AVPI1: variants seen among roughly 807,000 people sequenced by gnomAD.
AVPI1 encodes arginine vasopressin-induced protein 1.
In AVPI1, 9 loss-of-function variants were observed where a neutral mutation model predicts 11.9. The observed-to-expected ratio is 0.76, with a 90% CI of 0.46 to 1.32. The LOEUF is 1.32. Among genes scored for constraint, AVPI1 ranks in the 40% most tolerant of loss-of-function variants. The pLI is 0.00. For synonymous variants in AVPI1, 68 were observed against 78.1 expected (o/e 0.87, Z 0.68); for missense variants, 207 against 195.8 (o/e 1.06, Z -0.34).
chr10:97,678,946 T>A lies in AVPI1; in HGVS notation c.287+673A>T, dbSNP rs1564779870. Among the ~76,000 whole-genome samples the A allele has an allele frequency of 5.5e-3, 239 of 43,186 alleles. 35 individuals are homozygous for A. The highest frequency in any genetic ancestry group is 0.03 in the Admixed American group (105 of 3,556). 28.3% of individuals were successfully genotyped at this position (43,186 alleles called of 152,430 possible). A position where few individuals can be genotyped will look rare whatever the true frequency, so the allele number is the denominator to read the frequency against. ...GTGTGTGTGTGTGTGTGTGTGTGTG[T>A]GTGTGTGTGTGTGTGTGTGTGTGTG... is the stretch of plus-strand genomic sequence containing the variant. On this transcript the variant is annotated intron_variant, in intron 2 of 2. Coordinates refer to ENST00000370626, the MANE Select transcript of AVPI1 (RefSeq NM_021732.3).
At chr10:97,679,069 G>C (rs1310326610) in intron 2 of AVPI1, among the ~76,000 whole-genome samples, 1 of 146,322 alleles carries the variant, frequency 6.8e-6, no homozygotes, top group African/African-American at 2.5e-5. Flanking sequence ...ATGAGGTGAT[G>C]CTACTAGGAC....
Position 97,686,899 on chromosome 10 carries a change from G to C in AVPI1, c.-144C>G, listed in dbSNP as rs1004409242. ...AAGGTGCTTACAAGGGCCAGTCGGT[G>C]ATCACGGGCAGCACAAGAGCATGGC... is the stretch of plus-strand genomic sequence containing the variant. On this transcript the variant is annotated 5_prime_UTR_variant, in exon 1 of 3. In the 5' UTR this introduces an upstream ATG that the reference lacks. Transcript: ENST00000370626. The C allele has an allele frequency of 6.6e-6, 1 of 152,398 alleles. No homozygotes were observed. The highest frequency in any genetic ancestry group is 2.1e-4 in the South Asian group (1 of 4,834). The allele number at this position is 152,398 out of a possible 1,614,324, so 9.4% of individuals were successfully genotyped here. A position where few individuals can be genotyped will look rare whatever the true frequency, so the allele number is the denominator to read the frequency against.
chr10:97,685,305 C>A (rs2041723319), intron 1 of AVPI1, among the ~76,000 whole-genome samples: 1 of 152,124 alleles, frequency 6.6e-6, no homozygotes. Flanking sequence ...GGAACCCTAA[C>A]AAAGAAATAT....
chr10:97,684,457 C>A (rs564014391), intron 1 of AVPI1, among the ~76,000 whole-genome samples: 30 of 151,054 alleles, frequency 2.0e-4, no homozygotes, highest in African/African-American at 6.6e-4. Flanking sequence ...TAGGGAGGGC[C>A]TAGCACCTCC....
intron 2 of AVPI1, among the ~76,000 whole-genome samples, chr10:97,678,884 TG>T (rs2041682100): frequency 3.1e-4 from 1 of 3,190 alleles, no homozygotes; most frequent in Admixed American, 3.8e-3. Context: ...GGGGAGGGTG[TG>T]TGTGTGTGTG....
chr10:97,686,441 C>T (rs1327151824), intron 1 of AVPI1, among the ~76,000 whole-genome samples: 1 of 151,546 alleles, frequency 6.6e-6, no homozygotes, highest in East Asian at 1.9e-4. Context: ...CTTTCCTCCT[C>T]ACTTAAGGTG....
rs745940011 is a variant in AVPI1, at chr10:97,679,626, G to A, written c.280C>T (p.Arg94Cys). ...PLGHSLHHCS[R>C]LRILEPHSAL... ...CCGGTTCTAGGAACCTACCTGAGGC[G>A]GCTGCAGTGGTGTAGCGAGTGGCCC... Residue 94 changes from arginine (R) to cysteine (C), a missense_variant, in exon 2 of 3, where the codon CGC (arginine) becomes TGC (cysteine). Transcript: ENST00000370626. The A allele has an allele frequency of 1.6e-5, 25 of 1,609,746 alleles. No homozygotes were observed. Among genetic ancestry groups the A allele is most frequent in the East Asian group, 1.3e-4 (6 of 44,764 alleles).
At chr10:97,685,594 G>A (rs1192654040) in intron 1 of AVPI1, among the ~76,000 whole-genome samples, 1 of 152,126 alleles carries the variant, frequency 6.6e-6, no homozygotes, top group Non-Finnish European at 1.5e-5. Flanking sequence ...AAAAATTACT[G>A]GAGGCTCTGG....
Position 97,677,908 on chromosome 10 carries a change from C to T in AVPI1, c.405G>A (p.Lys135=). ...GGTGGAGGTAGCTTGTGGGGCCTGA[C>T]TTCCTCCAGTTCCGGCGGATCCTGG... ...KSARIRRNWR[K]SGPTSYLHQI... Residue 135 remains lysine, a synonymous_variant, in exon 3 of 3, where the codon AAG becomes AAA. Transcript: ENST00000370626. 1.9e-6 allele frequency: 3 copies of T among 1,614,198 alleles called. No homozygotes were observed. Among genetic ancestry groups the T allele is most frequent in the Non-Finnish European group, 2.5e-6 (3 of 1,180,036 alleles).
At chr10:97,681,952 T>TA (rs1056148035) in intron 1 of AVPI1, among the ~76,000 whole-genome samples, 5 of 124,834 alleles carry the variant, frequency 4.0e-5, no homozygotes, top group African/African-American at 5.9e-5. Flanking sequence ...AAAATACAAA[T>TA]AAAAAATAGA....
rs1564779837 is a variant in AVPI1 at position 97,678,922 on chromosome 10, TGTGTGTGTGTGTGTGTGTGTG to T, written c.287+676_287+696del. 2.5e-3 allele frequency among the ~76,000 whole-genome samples: 44 copies of T among 17,272 alleles called. 5 individuals carry two copies. The highest frequency in any genetic ancestry group is 0.019 in the East Asian group (19 of 976). The allele number at this position is 17,272 out of a possible 152,430, so 11.3% of individuals were successfully genotyped here. A position where few individuals can be genotyped will look rare whatever the true frequency, so the allele number is the denominator to read the frequency against. ...GTGTGTGTGTGTGTGTGTGTGTGTG[TGTGTGTGTGTGTGTGTGTGTG>T]TGTGTGTGTGTGTGTGTGTGTGTGT... On this transcript the variant is annotated intron_variant, in intron 2 of 2. Coordinates refer to ENST00000370626, the MANE Select transcript of AVPI1 (RefSeq NM_021732.3).
rs1564779964 is a variant in AVPI1, at chr10:97,678,961, G to GACAGGA, written c.287+657_287+658insTCCTGT. Among the ~76,000 whole-genome samples, 51 of 67,690 alleles carry GACAGGA rather than the reference G, an allele frequency of 7.5e-4. 4 individuals are homozygous for GACAGGA. Among genetic ancestry groups the GACAGGA allele is most frequent in the Middle Eastern group, 8.5e-3 (1 of 118 alleles). The allele number at this position is 67,690 out of a possible 152,430, so 44.4% of individuals were successfully genotyped here. On this transcript the variant is annotated intron_variant, in intron 2 of 2. Coordinates refer to ENST00000370626, the MANE Select transcript of AVPI1 (RefSeq NM_021732.3). ...TGTGTGTGTGTGTGTGTGTGTGTGT[G>GACAGGA]TGTGTGTGTGTGTGTGTGTGTGTGT...
chr10:97,677,600 A>C lies in AVPI1; in HGVS notation c.*269T>G, dbSNP rs896982412. The C allele has an allele frequency of 1.0e-5, 4 of 396,380 alleles. No individual in the cohort carries two copies. Among genetic ancestry groups the C allele is most frequent in the Non-Finnish European group, 9.2e-6 (2 of 217,294 alleles). The allele number at this position is 396,380 out of a possible 1,614,324, so 24.6% of individuals were successfully genotyped here. On this transcript the variant is annotated 3_prime_UTR_variant, in exon 3 of 3. Coordinates refer to ENST00000370626, the MANE Select transcript of AVPI1 (RefSeq NM_021732.3). ...TGCCTGTCACTTTGCTCCCAGGGGAATATCATGCAGCCCAGGAATAGTGTT... is the reference window on the plus strand; with the variant it reads ...TGCCTGTCACTTTGCTCCCAGGGGACTATCATGCAGCCCAGGAATAGTGTT...
At position 97,681,337 on chromosome 10, in the gene AVPI1, A is replaced by ACTTTGGGAG. The variant is rs2135771304; in HGVS notation, c.-10-1431_-10-1423dup. Among the ~76,000 whole-genome samples the ACTTTGGGAG allele has an allele frequency of 1.3e-5, 2 of 152,172 alleles. 1 individual carries two copies. Among genetic ancestry groups the ACTTTGGGAG allele is most frequent in the African/African-American group, 4.8e-5 (2 of 41,524 alleles). The stretch of plus-strand genomic sequence containing the variant: ...GGTGGCTCACACCTGTAATCCCAGC[A>ACTTTGGGAG]CTTTGGGAGGTGAGGCGGGCGGATC... On this transcript the variant is annotated intron_variant, in intron 1 of 2. Coordinates refer to ENST00000370626, the MANE Select transcript of AVPI1 (RefSeq NM_021732.3).
intron 1 of AVPI1, among the ~76,000 whole-genome samples, chr10:97,685,717 T>C (rs1432485847): frequency 5.9e-5 from 9 of 152,132 alleles, no homozygotes; most frequent in African/African-American, 1.2e-4. Context: ...TTCAAATCGC[T>C]GTGTGGGCTT....
At position 97,677,611 on chromosome 10, in the gene AVPI1, C is replaced by T. The variant is rs2041672083; in HGVS notation, c.*258G>A. 2.3e-6 allele frequency: 1 copy of T among 437,190 alleles called. No homozygotes were observed. Among genetic ancestry groups the T allele is most frequent in the East Asian group, 4.1e-5 (1 of 24,554 alleles). The allele number at this position is 437,190 out of a possible 1,614,324, so 27.1% of individuals were successfully genotyped here. On this transcript the variant is annotated 3_prime_UTR_variant, in exon 3 of 3. Coordinates refer to ENST00000370626, the MANE Select transcript of AVPI1 (RefSeq NM_021732.3). ...TTGCTCCCAGGGGAATATCATGCAG[C>T]CCAGGAATAGTGTTAGACTGGGAAG...
rs2041735419 is a variant in AVPI1 at position 97,687,157 on chromosome 10, CG to C, written c.-403del. The stretch of plus-strand genomic sequence containing the variant: ...GGCCGCACGCAGCCCCAAACTGGTC[CG>C]GGCCACTTGGGTCACAGCCGCGGTT... On this transcript the variant is annotated 5_prime_UTR_variant, in exon 1 of 3. Coordinates refer to ENST00000370626, the MANE Select transcript of AVPI1 (RefSeq NM_021732.3). The C allele has an allele frequency of 6.6e-6, 1 of 152,358 alleles. No individual in the cohort carries two copies. The highest frequency in any genetic ancestry group is 2.4e-5 in the African/African-American group (1 of 41,464). 9.4% of individuals were successfully genotyped at this position (152,358 alleles called of 1,614,324 possible).
At chr10:97,683,061 T>C (rs1782434790) in intron 1 of AVPI1, among the ~76,000 whole-genome samples, 1 of 152,230 alleles carries the variant, frequency 6.6e-6, no homozygotes, top group South Asian at 2.1e-4. Context: ...TGTTATCCCA[T>C]TTCACAGGGA....
Position 97,678,779 on chromosome 10 carries a change from C to G in AVPI1, c.288-754G>C, listed in dbSNP as rs182884160. Among the ~76,000 whole-genome samples, 43 of 151,966 alleles carry G rather than the reference C, an allele frequency of 2.8e-4. No individual in the cohort carries two copies. The East Asian group carries it at 8.1e-3, about 29-fold the overall frequency. On this transcript the variant is annotated intron_variant, in intron 2 of 2. Transcript: ENST00000370626. ...CATAGCTTACTGCAGCCTCAAACTCCTGGCCTCAAGTGATCCTCCTACCTC... is the reference window on the plus strand; with the variant it reads ...CATAGCTTACTGCAGCCTCAAACTCGTGGCCTCAAGTGATCCTCCTACCTC...
Sources: gnomAD v4.1 joint callset for allele counts (sites outside exome capture counted in the v4.1 genomes callset) on GRCh38, gnomAD v4.1.1 for gene constraint, MANE v1.5 for transcripts, NCBI Gene and HGNC (gene_info 2026-07-23, HGNC 2026-07-21) for gene names.